The following MAD1L1 variants were observed in gnomAD, a reference collection of about 807,000 sequenced individuals.
MAD1L1 encodes mitotic arrest deficient 1 like 1.
A neutral mutation model predicts 96.9 loss-of-function variants in MAD1L1; 95 were observed. The observed-to-expected ratio is 0.98, with a 90% CI of 0.83 to 1.16. The LOEUF (loss-of-function observed/expected upper bound fraction) is 1.16, where lower values mean the gene tolerates loss of function less well. Ranked by LOEUF, MAD1L1 falls within the 50% of genes most tolerant of loss-of-function variation. The pLI, the probability that MAD1L1 is intolerant of heterozygous loss-of-function variation, is 0.00. For synonymous variants in MAD1L1, 473 were observed against 396.6 expected (o/e 1.19, Z -2.29); for missense variants, 1,007 against 954.4 (o/e 1.06, Z -0.73).
At chr7:2,091,202 T>C (rs1251773015) in intron 11 of MAD1L1, among the ~76,000 whole-genome samples, 2 of 152,160 alleles carry the variant, frequency 1.3e-5, no homozygotes, top group African/African-American at 4.8e-5. Flanking sequence ...CTCCTGTGTA[T>C]TTCCTACCCC....
chr7:2,171,790 G>A (rs541132493), intron 10 of MAD1L1, among the ~76,000 whole-genome samples: 55 of 152,348 alleles, frequency 3.6e-4, no homozygotes, highest in Middle Eastern at 3.4e-3. Context: ...GCAGTTGGAG[G>A]GTGGAGCTGC....
At chr7:1,980,765 T>C (rs1369132359) in intron 14 of MAD1L1, 2 of 643,810 alleles carry the variant, frequency 3.1e-6, no homozygotes, top group African/African-American at 1.8e-5. Flanking sequence ...ATCTCCTGAA[T>C]AGCAACAGAT....
chr7:2,116,068 T>C (rs990788521), intron 11 of MAD1L1, among the ~76,000 whole-genome samples: 1 of 152,184 alleles, frequency 6.6e-6, no homozygotes, highest in Non-Finnish European at 1.5e-5. Context: ...CTCTGTTTCC[T>C]CAACACTAAA....
chr7:2,141,257 C>T (rs900490057), intron 11 of MAD1L1, among the ~76,000 whole-genome samples: 13 of 152,248 alleles, frequency 8.5e-5, no homozygotes, highest in African/African-American at 2.9e-4. Flanking sequence ...TGCGGAGGCC[C>T]CTCCAAGCAG....
chr7:1,950,875 G>A (rs1372434459), intron 16 of MAD1L1, among the ~76,000 whole-genome samples: 10 of 152,240 alleles, frequency 6.6e-5, no homozygotes, highest in East Asian at 1.9e-4. Context: ...ACAGCACATC[G>A]CCTGCCCCAT....
At chr7:1,874,206 G>C (rs1036593156) in intron 18 of MAD1L1, among the ~76,000 whole-genome samples, 1 of 152,174 alleles carries the variant, frequency 6.6e-6, no homozygotes, top group South Asian at 2.1e-4. Flanking sequence ...AGGCCGTCTC[G>C]GTGCACGGCT....
chr7:2,228,703 C>T (rs1794038607), intron 3 of MAD1L1, among the ~76,000 whole-genome samples: 2 of 151,636 alleles, frequency 1.3e-5, no homozygotes, highest in Admixed American at 6.6e-5. Flanking sequence ...AAAAAACAGT[C>T]CTCATCAAGA....
intron 15 of MAD1L1, among the ~76,000 whole-genome samples, chr7:1,971,413 C>T (rs2128480003): frequency 6.6e-6 from 1 of 152,280 alleles, no homozygotes; most frequent in African/African-American, 2.4e-5. Context: ...AAACGCGAAA[C>T]CACTCAAGCT....
intron 11 of MAD1L1, among the ~76,000 whole-genome samples, chr7:2,116,637 G>C (rs536719395): frequency 6.6e-6 from 1 of 151,068 alleles, no homozygotes; most frequent in Non-Finnish European, 1.5e-5. Flanking sequence ...AGCAGTAACA[G>C]GCCATGTGTC....
chr7:2,185,558 T>C (rs1791418543), intron 10 of MAD1L1, among the ~76,000 whole-genome samples: 2 of 152,224 alleles, frequency 1.3e-5, no homozygotes, highest in Non-Finnish European at 2.9e-5. Flanking sequence ...CCACATTGAA[T>C]GCCACTGTCA....
chr7:1,919,492 T>TG (rs1788637070), intron 17 of MAD1L1, among the ~76,000 whole-genome samples: 1 of 152,214 alleles, frequency 6.6e-6, no homozygotes, highest in Non-Finnish European at 1.5e-5. Context: ...AGGACCGCAC[T>TG]GGGGAATGGG....
At chr7:1,866,594 T>G (rs1005279339) in intron 18 of MAD1L1, among the ~76,000 whole-genome samples, 2 of 152,068 alleles carry the variant, frequency 1.3e-5, no homozygotes, top group Non-Finnish European at 1.5e-5. Context: ...GCTGCTGGTG[T>G]GAGACGCCAC....
At chr7:2,155,670 T>C (rs543987032) in intron 10 of MAD1L1, among the ~76,000 whole-genome samples, 2 of 152,352 alleles carry the variant, frequency 1.3e-5, no homozygotes, top group South Asian at 2.1e-4. Context: ...TAATACTCCA[T>C]TGTGTGGCTA....
chr7:1,876,119 TG>T (rs1253648762), intron 18 of MAD1L1, among the ~76,000 whole-genome samples: 1 of 152,184 alleles, frequency 6.6e-6, no homozygotes, highest in African/African-American at 2.4e-5. Flanking sequence ...AGCAGAGTGG[TG>T]GACACGGCCA....
At chr7:2,084,506 CCCAGGCTCTG>C (rs1237817808) in intron 11 of MAD1L1, among the ~76,000 whole-genome samples, 1 of 152,248 alleles carries the variant, frequency 6.6e-6, no homozygotes, top group East Asian at 1.9e-4. Context: ...CACGGAGGTC[CCCAGGCTCTG>C]GCAGGCCTGA....
chr7:2,199,907 C>G (rs1350952750), intron 10 of MAD1L1, among the ~76,000 whole-genome samples: 2 of 152,276 alleles, frequency 1.3e-5, no homozygotes, highest in African/African-American at 4.8e-5. Flanking sequence ...CAGCTTAGGG[C>G]AGACAGTGAA....
At chr7:1,939,242 C>CGGGCCA (rs1330402669) in intron 16 of MAD1L1, among the ~76,000 whole-genome samples, 3 of 147,030 alleles carry the variant, frequency 2.0e-5, no homozygotes, top group African/African-American at 5.1e-5. Context: ...CACACACACA[C>CGGGCCA]GGGCCAGGGC....
chr7:2,196,309 G>C (rs1215682844), intron 10 of MAD1L1, among the ~76,000 whole-genome samples: 1 of 152,190 alleles, frequency 6.6e-6, no homozygotes, highest in Non-Finnish European at 1.5e-5. Context: ...TTGAGAACAG[G>C]CTCTGTCTTT....
At chr7:1,994,649 G>A (rs548502496) in intron 14 of MAD1L1, among the ~76,000 whole-genome samples, 23 of 152,198 alleles carry the variant, frequency 1.5e-4, no homozygotes, top group Admixed American at 1.5e-3. Flanking sequence ...CCACCGGGCG[G>A]AGCCTCGGGG....
Sources: allele counts gnomAD v4.1 joint callset (sites outside exome capture counted in the v4.1 genomes callset), GRCh38; gene constraint gnomAD v4.1.1; transcripts MANE v1.5; gene names NCBI Gene and HGNC (gene_info 2026-07-23, HGNC 2026-07-21).